Variants in IZUMO4 observed in about 807,000 individuals in gnomAD.
The protein encoded by IZUMO4 is IZUMO family member 4.
In IZUMO4, 51 loss-of-function variants were observed where a neutral mutation model predicts 37.1. The ratio of observed to expected loss-of-function variants is 1.38; its 90% CI spans 1.10 to 1.74. IZUMO4 has a LOEUF of 1.74. Ranked by LOEUF, IZUMO4 falls within the 40% of genes most tolerant of loss-of-function variation. IZUMO4 has a pLI of 0.00. For missense variants in IZUMO4, 364 were observed against 299.6 expected (o/e 1.21, Z -1.59); for synonymous variants, 162 against 121.4 (o/e 1.33, Z -2.20).
At chr19:2,098,263 C>A in intron 5 of IZUMO4, 24 bp from the exon 6 acceptor site, 1 of 1,613,574 alleles carries the variant, frequency 6.2e-7, no homozygotes, top group Non-Finnish European at 8.5e-7. Context: ...AGGGGCGCAC[C>A]ACTTCCAAGC....
intron 2 of IZUMO4, 26 bp downstream of exon 2, chr19:2,097,358 G>GCCCCCCCCCCCCCGGCCCC: frequency 6.2e-7 from 1 of 1,602,882 alleles, no homozygotes; most frequent in Non-Finnish European, 8.5e-7. Flanking sequence ...CCGAGGCGGG[G>GCCCCCCCCCCCCCGGCCCC]CCCCCCCACC....
Position 2,099,158 on chromosome 19 carries a change from C to T in IZUMO4, c.609-97C>T, listed in dbSNP as rs902740942. ...GTCGTGGATGTGGCCACACATAGGACCACACGTCCCAGCTGGGAGGAGAGG... is the reference window on the plus strand; with the variant it reads ...GTCGTGGATGTGGCCACACATAGGATCACACGTCCCAGCTGGGAGGAGAGG... On this transcript the variant is annotated intron_variant, in intron 9 of 9. Coordinates refer to ENST00000395301, the MANE Select transcript of IZUMO4 (RefSeq NM_001039846.2). 28 of 1,379,152 alleles carry T rather than the reference C, an allele frequency of 2.0e-5. No individual in the cohort carries two copies. In the Middle Eastern group the frequency reaches 7.2e-4, roughly 35 times the overall value. 85.4% of individuals were successfully genotyped at this position (1,379,152 alleles called of 1,614,324 possible).
intron 3 of IZUMO4, 75 bp downstream of exon 3, chr19:2,097,570 G>C (rs765639267): frequency 3.0e-6 from 4 of 1,313,452 alleles, no homozygotes; most frequent in Non-Finnish European, 4.4e-6. Context: ...GCTGAGGCTG[G>C]AGTGATGTGA....
intron 9 of IZUMO4, 97 bp downstream of exon 9, chr19:2,099,126 C>T (rs1457224667): frequency 1.4e-5 from 19 of 1,400,158 alleles, no homozygotes; most frequent in South Asian, 2.3e-5. Flanking sequence ...ATCCCAGGCA[C>T]GAGGGTGTCG....
chr19:2,097,598 A>G (rs780431124), intron 3 of IZUMO4, 103 bp downstream of exon 3: 8 of 1,060,376 alleles, frequency 7.5e-6, no homozygotes, highest in Non-Finnish European at 1.2e-5. Context: ...ACCTGGCACC[A>G]GGCAGCTGGG....
At position 2,099,405 on chromosome 19, in the gene IZUMO4, C is replaced by G; in HGVS notation, c.*60C>G. The G allele has an allele frequency of 8.0e-7, 1 of 1,248,192 alleles. No individual in the cohort carries two copies. The highest frequency in any genetic ancestry group is 1.1e-6 in the Non-Finnish European group (1 of 870,848). The allele number at this position is 1,248,192 out of a possible 1,614,324, so 77.3% of individuals were successfully genotyped here. A position where few individuals can be genotyped will look rare whatever the true frequency, so the allele number is the denominator to read the frequency against. ...CGGAGACTCAGCTGGACAGCCCCTG[C>G]CTGTCACTCTGGAGCTGGGCTGCTG... On this transcript the variant is annotated 3_prime_UTR_variant, in exon 10 of 10. Coordinates refer to ENST00000395301, the MANE Select transcript of IZUMO4 (RefSeq NM_001039846.2).
Position 2,098,974 on chromosome 19 carries a change from A to T in IZUMO4, c.555-2A>T. On this transcript the variant is annotated splice_acceptor_variant, in intron 8 of 9. Transcript: ENST00000395301. LOFTEE classifies it high-confidence loss of function. Reference sequence around the variant, plus strand: ...ACACCCATGTGGTGGTTTCATGAACAGACCACGCTCCTCTGCCTTCTCCTG... The same window carrying T: ...ACACCCATGTGGTGGTTTCATGAACTGACCACGCTCCTCTGCCTTCTCCTG... 6.2e-7 allele frequency: 1 copy of T among 1,613,098 alleles called. No homozygotes were observed. Among genetic ancestry groups the T allele is most frequent in the Non-Finnish European group, 8.5e-7 (1 of 1,179,926 alleles).
rs752738566 is a variant in IZUMO4, at chr19:2,097,474, A to T, written c.349A>T (p.Ile117Phe). 1.3e-5 allele frequency: 21 copies of T among 1,612,960 alleles called. No homozygotes were observed. Among genetic ancestry groups the T allele is most frequent in the Non-Finnish European group, 1.7e-5 (20 of 1,179,838 alleles). ...RNIFREQVHLIQNAIIESRID... is the reference protein window; with the variant it reads ...RNIFREQVHLFQNAIIESRID... ...CATCTTCCGGGAGCAGGTGCACCTC[A>T]TCCAGAACGCCATCATCGAAAGTGA... The change falls in exon 3 of 10, where the codon ATC becomes TTC. Residue 117 changes from isoleucine to phenylalanine, a missense_variant. Coordinates refer to ENST00000395301, the MANE Select transcript of IZUMO4 (RefSeq NM_001039846.2).
rs770890312 is a variant in IZUMO4 at position 2,097,508 on chromosome 19, G to A, written c.370+13G>A. ...GCCATCATCGAAAGTGAGCAAATAAGGCTTCAGAGGAGGGAGGTGTTGCCC... is the reference window on the plus strand; with the variant it reads ...GCCATCATCGAAAGTGAGCAAATAAAGCTTCAGAGGAGGGAGGTGTTGCCC... On this transcript the variant is annotated intron_variant, in intron 3 of 9. Coordinates refer to ENST00000395301, the MANE Select transcript of IZUMO4 (RefSeq NM_001039846.2). 2 of 1,609,202 alleles carry A rather than the reference G, an allele frequency of 1.2e-6. No homozygotes were observed. The highest frequency in any genetic ancestry group is 2.2e-5 in the South Asian group (2 of 90,992).
At position 2,099,279 on chromosome 19, in the gene IZUMO4, T is replaced by C. The variant is rs200203680; in HGVS notation, c.633T>C (p.Cys211=). 3.7e-6 allele frequency: 6 copies of C among 1,612,806 alleles called. No individual in the cohort carries two copies. The highest frequency in any genetic ancestry group is 1.7e-4 in the Middle Eastern group (1 of 6,058). The part of the protein sequence containing the change: ...PAFLVSPALR[C]LEPPHLANLT... The stretch of plus-strand genomic sequence containing the variant: ...GCCTGGTATCGCCAGCCTTAAGGTG[T>C]CTGGAGCCCCCACACTTGGCCAACC... Residue 211 remains cysteine, a synonymous_variant, in exon 10 of 10, where the codon TGT becomes TGC. Transcript: ENST00000395301.
Position 2,099,091 on chromosome 19 carries a change from G to A in IZUMO4, c.608+62G>A, listed in dbSNP as rs1044436225. 5.4e-5 allele frequency: 81 copies of A among 1,505,542 alleles called. 1 individual carries two copies. The highest frequency in any genetic ancestry group is 3.5e-4 in the Middle Eastern group (2 of 5,760). 93.3% of individuals were successfully genotyped at this position (1,505,542 alleles called of 1,614,324 possible). On this transcript the variant is annotated intron_variant, in intron 9 of 9. Transcript: ENST00000395301. ...GGTGCTCGTAAGCCAACACCAGCGT[G>A]CCGCGGCCTGCACACCCTGCTGACA... is the stretch of plus-strand genomic sequence containing the variant.
intron 7 of IZUMO4, 81 bp downstream of exon 7, chr19:2,098,531 G>C: frequency 5.6e-6 from 9 of 1,608,086 alleles, no homozygotes; most frequent in Non-Finnish European, 7.6e-6. Flanking sequence ...GCACAGGCTG[G>C]CTCCCTCAGC....
rs780725792 is a variant in IZUMO4 at position 2,098,320 on chromosome 19, C to T, written c.507C>T (p.Gly169=). ...CGCAGTGGAAGTCAGCTGTCCAGGG[C>T]CTCCTGAACTACATGTGAGTGGGGT... The part of the protein sequence containing the change: ...SSAQWKSAVQ[G]LLNYINNWHK... Residue 169 remains glycine, a synonymous_variant, in exon 6 of 10, where the codon GGC becomes GGT. Coordinates refer to ENST00000395301, the MANE Select transcript of IZUMO4 (RefSeq NM_001039846.2). 1.4e-5 allele frequency: 22 copies of T among 1,613,880 alleles called. No homozygotes were observed. Among genetic ancestry groups the T allele is most frequent in the South Asian group, 2.2e-5 (2 of 91,092 alleles).
chr19:2,098,152 C>A, intron 5 of IZUMO4, 25 bp downstream of exon 5: 1 of 1,612,506 alleles, frequency 6.2e-7, no homozygotes, highest in Non-Finnish European at 8.5e-7. Flanking sequence ...TCACACCCAC[C>A]CGTGCCAGGG....
Position 2,099,031 on chromosome 19 carries a change from T to C in IZUMO4, c.608+2T>C, listed in dbSNP as rs2017821766. On this transcript the variant is annotated splice_donor_variant, in intron 9 of 9. Coordinates refer to ENST00000395301, the MANE Select transcript of IZUMO4 (RefSeq NM_001039846.2). LOFTEE classifies it high-confidence loss of function. ...GACACACAGAGCCACCCCGGCCTTG[T>C]GAGTGACCCAGAGAAGGGAGGCCTC... 1 of 1,612,788 alleles carries C rather than the reference T, an allele frequency of 6.2e-7. No homozygotes were observed. Among genetic ancestry groups the C allele is most frequent in the Admixed American group, 1.7e-5 (1 of 59,994 alleles).
chr19:2,097,259 G>A lies in IZUMO4; in HGVS notation c.225G>A (p.Glu75=). ...HLAIPAKITR[E]KLDQVATAVY... Reference sequence around the variant, plus strand: ...TTCTCCTCCTGCCCGCAGCCCGGGAGAAGCTGGACCAAGTGGCGACAGCAG... The same window carrying A: ...TTCTCCTCCTGCCCGCAGCCCGGGAAAAGCTGGACCAAGTGGCGACAGCAG... Residue 75 remains glutamate (E), a synonymous_variant, in exon 2 of 10, where the codon GAG becomes GAA. Transcript: ENST00000395301. 1 of 1,612,442 alleles carries A rather than the reference G, an allele frequency of 6.2e-7. No homozygotes were observed.
rs374117019 is a variant in IZUMO4 at position 2,098,143 on chromosome 19, C to G, written c.473+16C>G. 6.2e-7 allele frequency: 1 copy of G among 1,613,166 alleles called. No homozygotes were observed. Among genetic ancestry groups the G allele is most frequent in the Admixed American group, 1.7e-5 (1 of 60,028 alleles). On this transcript the variant is annotated intron_variant, in intron 5 of 9. Transcript: ENST00000395301. ...ATAACTGCGAGTAGGGCTCAGGCAT[C>G]ACACCCACCCGTGCCAGGGCCCTAC... is the stretch of plus-strand genomic sequence containing the variant.
At chr19:2,098,742 A>AG in intron 7 of IZUMO4, 45 bp from the exon 8 acceptor site, 1 of 1,604,408 alleles carries the variant, frequency 6.2e-7, no homozygotes, top group Non-Finnish European at 8.5e-7. Context: ...TACGATGGTT[A>AG]GGGGTGCCCC....
chr19:2,097,060 A>G lies in IZUMO4; in HGVS notation c.115A>G (p.Lys39Glu), dbSNP rs769509065. The part of the protein sequence containing the change: ...FSFYRHHVNF[K>E]SWWVGDIPVS... ...CTTCTACCGCCACCATGTGAACTTC[A>G]AGTCCTGGTGGGTGGGCGACATCCC... The change falls in exon 1 of 10, where the codon AAG (lysine) becomes GAG (glutamate). Residue 39 changes from lysine (K) to glutamate (E), a missense_variant. Coordinates refer to ENST00000395301, the MANE Select transcript of IZUMO4 (RefSeq NM_001039846.2). 6 of 1,612,780 alleles carry G rather than the reference A, an allele frequency of 3.7e-6. No individual in the cohort carries two copies. The Admixed American group carries it at 1.0e-4, about 27-fold the overall frequency.
Sources: allele counts gnomAD v4.1 joint callset, GRCh38; gene constraint gnomAD v4.1.1; transcripts MANE v1.5; gene names NCBI Gene and HGNC (gene_info 2026-07-23, HGNC 2026-07-21).